NEMP2: variants seen among roughly 807,000 people sequenced by gnomAD.
The protein encoded by NEMP2 is nuclear envelope integral membrane protein 2.
In NEMP2, 53 loss-of-function variants were observed where a neutral mutation model predicts 54.2. That is an observed-to-expected ratio of 0.98 (90% CI 0.78 to 1.23). The LOEUF (loss-of-function observed/expected upper bound fraction) is 1.23. Among genes scored for constraint, NEMP2 ranks in the 50% most tolerant of loss-of-function variants. The pLI is 0.00. For missense variants in NEMP2, 455 were observed against 511.3 expected (o/e 0.89, Z 1.06); for synonymous variants, 197 against 190.3 (o/e 1.04, Z -0.29).
the NEMP2 span, among the ~76,000 whole-genome samples, chr2:190,554,440 C>T: frequency 1.3e-5 from 2 of 152,222 alleles, no homozygotes; most frequent in Non-Finnish European, 2.9e-5. This position sits in a 1 kb window ranked among gnomAD's most constrained non-coding sequence, Gnocchi z 5.7. Flanking sequence ...GCAGTCTGAG[C>T]TCGACCTGGG....
the NEMP2 span, among the ~76,000 whole-genome samples, chr2:190,572,884 T>TATATATCTA: frequency 7.2e-6 from 1 of 138,220 alleles, no homozygotes; most frequent in African/African-American, 2.6e-5. Flanking sequence ...TATGTATATA[T>TATATATCTA]TTTATCTTTT....
the NEMP2 span, chr2:190,607,637 T>C: frequency 1.3e-5 from 2 of 152,202 alleles, no homozygotes; most frequent in South Asian, 4.1e-4. This position sits in a 1 kb window ranked among gnomAD's most constrained non-coding sequence, Gnocchi z 5.2. Context: ...CCTGTATTTT[T>C]AAAATTAATT....
At chr2:190,472,844 G>A in the NEMP2 span, among the ~76,000 whole-genome samples, 4 of 152,132 alleles carry the variant, frequency 2.6e-5, no homozygotes, top group Admixed American at 2.0e-4. Flanking sequence ...GAGAAAGGTC[G>A]GGTTACCCAC....
chr2:190,478,547 C>T, the NEMP2 span, among the ~76,000 whole-genome samples: 1 of 152,188 alleles, frequency 6.6e-6, no homozygotes, highest in African/African-American at 2.4e-5. Flanking sequence ...GTCCAAATGG[C>T]TTTAAAGTCC....
At chr2:190,483,086 G>T in the NEMP2 span, among the ~76,000 whole-genome samples, 6 of 150,994 alleles carry the variant, frequency 4.0e-5, no homozygotes, top group Non-Finnish European at 7.4e-5. Context: ...TAGAGACGGG[G>T]TTTCACCTTG....
At chr2:190,470,020 C>G in the NEMP2 span, among the ~76,000 whole-genome samples, 2 of 152,232 alleles carry the variant, frequency 1.3e-5, no homozygotes, top group Admixed American at 1.3e-4. Context: ...AGGGATGGTT[C>G]CTTGGTTACC....
At chr2:190,570,012 T>C in the NEMP2 span, among the ~76,000 whole-genome samples, 1 of 152,210 alleles carries the variant, frequency 6.6e-6, no homozygotes, top group Admixed American at 6.5e-5. The surrounding 1 kb of genome is among the most constrained non-coding windows in gnomAD (Gnocchi z 5.4). Context: ...AATTGAGAAA[T>C]TGATCCCCAC....
chr2:190,431,113 C>T, the NEMP2 span, among the ~76,000 whole-genome samples: 40 of 146,918 alleles, frequency 2.7e-4, no homozygotes, highest in African/African-American at 8.9e-4. This position sits in a 1 kb window ranked among gnomAD's most constrained non-coding sequence, Gnocchi z 4.4. Flanking sequence ...GACAGGGCGG[C>T]GGGGCAGAGG....
chr2:190,605,083 CT>C, the NEMP2 span, among the ~76,000 whole-genome samples: 1 of 152,154 alleles, frequency 6.6e-6, no homozygotes, highest in South Asian at 2.1e-4. Flanking sequence ...ACGTCTACCC[CT>C]GAACTCTCAT....
At chr2:190,465,002 A>G in the NEMP2 span, 1 of 685,620 alleles carries the variant, frequency 1.5e-6, no homozygotes, top group African/African-American at 1.9e-5. The surrounding 1 kb of genome is among the most constrained non-coding windows in gnomAD (Gnocchi z 4.6). Context: ...GAATTACAGA[A>G]TGACTCATAA....
the NEMP2 span, among the ~76,000 whole-genome samples, chr2:190,470,411 C>A: frequency 1.3e-5 from 2 of 152,150 alleles, no homozygotes; most frequent in Non-Finnish European, 2.9e-5. Context: ...CAAGACACAA[C>A]TGAAAAAGTT....
Position 190,519,799 on chromosome 2 carries a change from C to A in NEMP2, c.214-616G>T, listed in dbSNP as rs1179316347. On this transcript the variant is annotated intron_variant, in intron 2 of 8. Transcript: ENST00000409150. The surrounding 1 kb of genome is among the most constrained non-coding windows in gnomAD (Gnocchi z 5.4). ...AGGATAAGAAGAATGTACAGGCATA[C>A]CCATTTTATTGTTTTACATCACTGT... is the stretch of plus-strand genomic sequence containing the variant. Among the ~76,000 whole-genome samples the A allele has an allele frequency of 2.0e-5, 3 of 152,180 alleles. No individual in the cohort carries two copies. The highest frequency in any genetic ancestry group is 4.4e-5 in the Non-Finnish European group (3 of 68,036).
chr2:190,643,848 C>A, the NEMP2 span, among the ~76,000 whole-genome samples: 1 of 152,040 alleles, frequency 6.6e-6, no homozygotes, highest in Non-Finnish European at 1.5e-5. Flanking sequence ...TGACTGGAGC[C>A]TGGGAGGTTG....
At chr2:190,542,695 C>A in the NEMP2 span, among the ~76,000 whole-genome samples, 1 of 152,196 alleles carries the variant, frequency 6.6e-6, no homozygotes, top group African/African-American at 2.4e-5. The surrounding 1 kb of genome is among the most constrained non-coding windows in gnomAD (Gnocchi z 4.6). Flanking sequence ...TTCAGTTTAG[C>A]AAATGTGTTT....
the NEMP2 span, chr2:190,469,723 T>G: frequency 1.2e-5 from 14 of 1,202,758 alleles, no homozygotes; most frequent in African/African-American, 1.6e-4. The surrounding 1 kb of genome is among the most constrained non-coding windows in gnomAD (Gnocchi z 5.3). Flanking sequence ...CCTTTGCTTT[T>G]TTTTATTTTA....
rs1690712540 is a variant in NEMP2 at position 190,520,350 on chromosome 2, T to C, written c.214-1167A>G. 6.6e-6 allele frequency among the ~76,000 whole-genome samples: 1 copy of C among 152,182 alleles called. No individual in the cohort carries two copies. The highest frequency in any genetic ancestry group is 1.5e-5 in the Non-Finnish European group (1 of 68,014). Reference sequence around the variant, plus strand: ...CTATTCACATCACAGAACAAAGCACTAGCTACAAGCCGATGGTGACAACCC... The same window carrying C: ...CTATTCACATCACAGAACAAAGCACCAGCTACAAGCCGATGGTGACAACCC... On this transcript the variant is annotated intron_variant, in intron 2 of 8. Coordinates refer to ENST00000409150, the MANE Select transcript of NEMP2 (RefSeq NM_001142645.2). The surrounding 1 kb of genome is among the most constrained non-coding windows in gnomAD (Gnocchi z 5.4).
the NEMP2 span, among the ~76,000 whole-genome samples, chr2:190,631,813 T>A: frequency 2.0e-5 from 3 of 152,156 alleles, no homozygotes; most frequent in African/African-American, 7.2e-5. Flanking sequence ...CCCAACACTT[T>A]GGGAAGCCCA....
At chr2:190,536,189 G>A (rs1691372390), upstream of NEMP2, among the ~76,000 whole-genome samples, 1 of 152,116 alleles carries the variant, frequency 6.6e-6, no homozygotes, top group African/African-American at 2.4e-5. Flanking sequence ...AATGTTAGGA[G>A]GTGATAGTTC....
In NEMP2 at chr2:190,514,521, T is replaced by A. The variant is rs1232753055; in HGVS notation, c.885A>T (p.Ala295=). The change falls in exon 7 of 9, where the codon GCA becomes GCT. Residue 295 remains alanine, a synonymous_variant. Coordinates refer to ENST00000409150, the MANE Select transcript of NEMP2 (RefSeq NM_001142645.2). This position sits in a 1 kb window ranked among gnomAD's most constrained non-coding sequence, Gnocchi z 5.7. ...AGGAGGACATGAGGAGGATTATGGC[T>A]GCATAGGCAAACTGAGGCACGGCCA... ...AGVAVPQFAY[A]AIILLMSSWS... 6.4e-7 allele frequency: 1 copy of A among 1,551,730 alleles called. No homozygotes were observed. Among genetic ancestry groups the A allele is most frequent in the Admixed American group, 2.0e-5 (1 of 51,012 alleles).
Sources: allele counts gnomAD v4.1 joint callset (sites outside exome capture counted in the v4.1 genomes callset), GRCh38; gene constraint gnomAD v4.1.1; non-coding constraint Gnocchi (gnomAD v3.1); transcripts MANE v1.5; gene names NCBI Gene and HGNC (gene_info 2026-07-23, HGNC 2026-07-21).